Variants in WWTR1 observed in about 807,000 individuals in gnomAD.
WWTR1 encodes the protein WW domain containing transcription regulator 1.
In WWTR1, 13 loss-of-function variants were observed where a neutral mutation model predicts 40.1. The ratio of observed to expected loss-of-function variants is 0.32; its 90% confidence interval spans 0.21 to 0.52. The LOEUF (loss-of-function observed/expected upper bound fraction) is 0.52. WWTR1 is among the 20% of genes least tolerant of loss of function. The probability of loss-of-function intolerance (pLI) is 0.97; values close to 1 mark genes in which losing one functional copy is unlikely to be tolerated. For missense variants in WWTR1, 436 were observed against 523.1 expected (o/e 0.83, Z 1.63); for synonymous variants, 230 against 210.1 (o/e 1.09, Z -0.82).
chr3:149,526,125 T>G lies in WWTR1; in HGVS notation c.906A>C (p.Gly302=). 1 of 1,584,396 alleles carries G rather than the reference T, an allele frequency of 6.3e-7. No homozygotes were observed. Among genetic ancestry groups the G allele is most frequent in the Non-Finnish European group, 8.6e-7 (1 of 1,167,782 alleles). ...TNNSSDPFLN[G]GPYHSREQST... ...TCTGCTCCCTCGAATGATATGGCCC[T>G]CTGCAAAGCAAAAGATGAAGAAACT... is the stretch of plus-strand genomic sequence containing the variant. The change falls in exon 6 of 7, where the codon GGA becomes GGC. Residue 302 remains glycine (G), a splice_region_variant and synonymous_variant. Coordinates refer to ENST00000360632, the MANE Select transcript of WWTR1 (RefSeq NM_015472.6).
intron 2 of WWTR1, among the ~76,000 whole-genome samples, chr3:149,654,132 A>G (rs987650057): frequency 2.0e-5 from 3 of 151,870 alleles, no homozygotes; most frequent in African/African-American, 7.3e-5. Context: ...AAAAATTAAA[A>G]AAAAAAATGT....
In WWTR1 at chr3:149,580,663, G is replaced by A. The variant is rs1004591920; in HGVS notation, c.432-7663C>T. ...AGTTTCGCTCTTGTCACCCAGGCTG[G>A]AGTGCAATGGTGCGATCTCAGCTCC... On this transcript the variant is annotated intron_variant, in intron 2 of 6. Transcript: ENST00000360632. 4.9e-4 allele frequency among the ~76,000 whole-genome samples: 75 copies of A among 152,202 alleles called. 2 individuals are homozygous for A.
chr3:149,686,767 C>T (rs1461091361), intron 1 of WWTR1, among the ~76,000 whole-genome samples: 4 of 152,182 alleles, frequency 2.6e-5, no homozygotes, highest in African/African-American at 9.7e-5. Flanking sequence ...TAAAAAGAGG[C>T]TGCCATGCAT....
chr3:149,540,079 TACACACACACAC>T (rs202144589), intron 4 of WWTR1: 3,847 of 271,430 alleles, frequency 0.014, 9 homozygotes, highest in South Asian at 0.024. Flanking sequence ...TCCTCCTAAC[TACACACACACAC>T]ACACACACAC....
chr3:149,536,055 A>G (rs1735816597), intron 4 of WWTR1, among the ~76,000 whole-genome samples: 1 of 151,994 alleles, frequency 6.6e-6, no homozygotes, highest in Admixed American at 6.6e-5. Context: ...AATTGATACT[A>G]TTGTTCAACA....
intron 1 of WWTR1, among the ~76,000 whole-genome samples, chr3:149,689,380 C>CAAAAAAAAAAAAAAAAAAAAAAACAAA (rs3044083): frequency 2.7e-5 from 1 of 36,696 alleles, no homozygotes; most frequent in Non-Finnish European, 4.5e-5. Flanking sequence ...GAACCTATCT[C>CAAAAAAAAAAAAAAAAAAAAAAACAAA]AAAAAAAAAA....
At chr3:149,530,216 A>G (rs892198596) in intron 4 of WWTR1, among the ~76,000 whole-genome samples, 2 of 152,060 alleles carry the variant, frequency 1.3e-5, no homozygotes. Context: ...GTGTGGTGGC[A>G]TGCACCTGTG....
At chr3:149,690,168 AC>A (rs1434000362) in intron 1 of WWTR1, among the ~76,000 whole-genome samples, 3 of 152,168 alleles carry the variant, frequency 2.0e-5, no homozygotes, top group African/African-American at 7.2e-5. Context: ...AAAACATACT[AC>A]CAGAGAAAAT....
At chr3:149,655,042 C>T (rs918985108) in intron 2 of WWTR1, among the ~76,000 whole-genome samples, 2 of 151,788 alleles carry the variant, frequency 1.3e-5, no homozygotes, top group South Asian at 2.1e-4. Context: ...AGGAGAATGG[C>T]GTGAACCCGG....
At chr3:149,533,383 G>A (rs982163953) in intron 4 of WWTR1, among the ~76,000 whole-genome samples, 19 of 152,212 alleles carry the variant, frequency 1.2e-4, no homozygotes, top group African/African-American at 3.9e-4. Flanking sequence ...GAAGAAGAGT[G>A]GGGCTATTTA....
At chr3:149,579,844 C>T (rs1384617598) in intron 2 of WWTR1, among the ~76,000 whole-genome samples, 3 of 152,160 alleles carry the variant, frequency 2.0e-5, no homozygotes, top group Non-Finnish European at 4.4e-5. Context: ...AATGAAACAG[C>T]TTTGCAACTT....
intron 1 of WWTR1, among the ~76,000 whole-genome samples, chr3:149,696,902 G>A (rs571667694): frequency 1.3e-5 from 2 of 152,210 alleles, no homozygotes; most frequent in East Asian, 3.9e-4. Context: ...CACCCTGAAA[G>A]CCTCCCAAAA....
chr3:149,641,829 T>C (rs1197104065), intron 2 of WWTR1, among the ~76,000 whole-genome samples: 1 of 152,244 alleles, frequency 6.6e-6, no homozygotes, highest in African/African-American at 2.4e-5. Context: ...CTGTGTACCA[T>C]ACGGATTACA....
chr3:149,540,200 C>CAATGCA (rs1344668896), intron 4 of WWTR1: 3 of 456,172 alleles, frequency 6.6e-6, no homozygotes, highest in Non-Finnish European at 1.3e-5. Flanking sequence ...TACAATGCAA[C>CAATGCA]AATGCAATTG....
intron 2 of WWTR1, chr3:149,576,200 G>A (rs529791118): frequency 7.0e-6 from 3 of 426,126 alleles, no homozygotes; most frequent in South Asian, 5.0e-5. Flanking sequence ...GTGGCTCCCA[G>A]GCTGAATGCA....
chr3:149,586,505 C>T (rs1281056458), intron 2 of WWTR1, among the ~76,000 whole-genome samples: 2 of 152,148 alleles, frequency 1.3e-5, no homozygotes, highest in Non-Finnish European at 1.5e-5. Context: ...TCACCATTGC[C>T]GATCTAGAGT....
intron 1 of WWTR1, among the ~76,000 whole-genome samples, chr3:149,684,751 A>G (rs148698587): frequency 0.021 from 3,222 of 152,046 alleles, 64 homozygotes; most frequent in South Asian, 0.092. Flanking sequence ...TTTTGTAGAG[A>G]CGGGGTTTCA....
intron 2 of WWTR1, 133 bp downstream of exon 2, chr3:149,656,743 G>A (rs1196901890): frequency 2.2e-6 from 2 of 899,844 alleles, no homozygotes; most frequent in Non-Finnish European, 3.1e-6. Context: ...AACCGTGGAA[G>A]GACACGCACC....
At chr3:149,576,058 A>G (rs1357912764) in intron 2 of WWTR1, 1 of 456,746 alleles carries the variant, frequency 2.2e-6, no homozygotes. Context: ...GCTGGAGTAC[A>G]AGAGGGAGCC....
Sources: allele counts gnomAD v4.1 joint callset (sites outside exome capture counted in the v4.1 genomes callset), GRCh38; gene constraint gnomAD v4.1.1; transcripts MANE v1.5; gene names NCBI Gene and HGNC (gene_info 2026-07-23, HGNC 2026-07-21).